CTNNA3: variants seen among roughly 807,000 people sequenced by gnomAD.
CTNNA3 encodes catenin alpha 3, also known as catenin alpha-3.
A neutral mutation model predicts 95.7 loss-of-function variants in CTNNA3; 76 were observed. The observed-to-expected ratio is 0.79, with a 90% CI of 0.66 to 0.96. CTNNA3 has a LOEUF of 0.96. CTNNA3 is among the 40% of genes least tolerant of loss of function. CTNNA3 has a pLI of 0.00. For missense variants in CTNNA3, 1,191 were observed against 1,089.8 expected, an observed-to-expected ratio of 1.09 and a Z score of -1.31; for synonymous variants, 431 against 374.4, an observed-to-expected ratio of 1.15 and a Z score of -1.74.
At chr10:66,229,372 G>A (rs2089473252) in intron 13 of CTNNA3, among the ~76,000 whole-genome samples, 1 of 152,042 alleles carries the variant, frequency 6.6e-6, no homozygotes, top group Non-Finnish European at 1.5e-5. Context: ...ACATCCACGT[G>A]TCAGGCTCTC....
intron 12 of CTNNA3, among the ~76,000 whole-genome samples, chr10:66,343,056 A>G (rs1233077528): frequency 6.6e-6 from 1 of 152,086 alleles, no homozygotes; most frequent in African/African-American, 2.4e-5. Flanking sequence ...TCATTGGCAG[A>G]GTTTAAAGTC....
At chr10:66,156,232 G>A (rs190970554) in intron 13 of CTNNA3, among the ~76,000 whole-genome samples, 1 of 151,938 alleles carries the variant, frequency 6.6e-6, no homozygotes, top group East Asian at 1.9e-4. Flanking sequence ...GCTGACCACA[G>A]GCCTAAAGAA....
At chr10:66,473,903 T>C (rs1378014097) in intron 11 of CTNNA3, among the ~76,000 whole-genome samples, 1 of 152,114 alleles carries the variant, frequency 6.6e-6, no homozygotes, top group Non-Finnish European at 1.5e-5. Flanking sequence ...ATTTTCTTAA[T>C]CCAGTCTATC....
intron 7 of CTNNA3, among the ~76,000 whole-genome samples, chr10:66,845,703 CAAAAA>C (rs61085873): frequency 5.9e-4 from 14 of 23,550 alleles, no homozygotes; most frequent in South Asian, 1.9e-3. Context: ...AACTCTGTCT[CAAAAA>C]AAAAAAAAAA....
intron 5 of CTNNA3, among the ~76,000 whole-genome samples, chr10:67,475,903 A>G (rs1847990954): frequency 6.6e-6 from 1 of 152,228 alleles, no homozygotes; most frequent in Non-Finnish European, 1.5e-5. Flanking sequence ...ACAAAATATT[A>G]TGTTAGGAAA....
At chr10:67,404,101 T>C (rs1845038302) in intron 5 of CTNNA3, among the ~76,000 whole-genome samples, 1 of 151,894 alleles carries the variant, frequency 6.6e-6, no homozygotes, top group South Asian at 2.1e-4. Context: ...TGAGAAAGAA[T>C]CAGCACAAAA....
intron 3 of CTNNA3, among the ~76,000 whole-genome samples, chr10:67,575,676 G>T (rs1313555898): frequency 6.6e-6 from 1 of 152,068 alleles, no homozygotes; most frequent in African/African-American, 2.4e-5. Context: ...GATTCTAGTG[G>T]GCAGAGTGAC....
At chr10:66,399,004 T>C (rs936840839) in intron 11 of CTNNA3, among the ~76,000 whole-genome samples, 1 of 152,068 alleles carries the variant, frequency 6.6e-6, no homozygotes, top group Admixed American at 6.6e-5. Flanking sequence ...TTTATTTCCT[T>C]TTCCAATCAT....
intron 6 of CTNNA3, among the ~76,000 whole-genome samples, chr10:67,208,668 G>A (rs186570120): frequency 8.5e-5 from 13 of 152,232 alleles, no homozygotes; most frequent in East Asian, 1.9e-4. Context: ...CTAGAAAAGC[G>A]TCTGGAAAAT....
intron 5 of CTNNA3, among the ~76,000 whole-genome samples, chr10:67,243,044 T>C (rs2132336429): frequency 6.6e-6 from 1 of 151,234 alleles, no homozygotes; most frequent in Middle Eastern, 3.4e-3. Flanking sequence ...ATTTCTCCCC[T>C]GTTTTCTTAG....
chr10:66,856,206 G>C (rs1843676628), intron 7 of CTNNA3, among the ~76,000 whole-genome samples: 1 of 152,114 alleles, frequency 6.6e-6, no homozygotes, highest in South Asian at 2.1e-4. Context: ...AGTTTGTTTA[G>C]AATAATGGTC....
At chr10:67,527,697 A>G (rs1840193525) in intron 4 of CTNNA3, among the ~76,000 whole-genome samples, 1 of 152,242 alleles carries the variant, frequency 6.6e-6, no homozygotes, top group African/African-American at 2.4e-5. Context: ...ATTTACCAGT[A>G]TGATCCTGAA....
chr10:67,504,869 C>G (rs976439866), intron 5 of CTNNA3, among the ~76,000 whole-genome samples: 2 of 152,196 alleles, frequency 1.3e-5, no homozygotes, highest in African/African-American at 4.8e-5. Context: ...AAATAAAGTT[C>G]AGGTACGCTT....
intron 1 of CTNNA3, among the ~76,000 whole-genome samples, chr10:67,705,486 G>T (rs1276694774): frequency 6.7e-6 from 1 of 150,090 alleles, no homozygotes; most frequent in Non-Finnish European, 1.5e-5. Flanking sequence ...TAGGGACATG[G>T]ATGAAATTGG....
At chr10:67,116,090 C>T (rs923561353) in intron 7 of CTNNA3, among the ~76,000 whole-genome samples, 1 of 151,828 alleles carries the variant, frequency 6.6e-6, no homozygotes, top group Admixed American at 6.6e-5. Context: ...AACTATTCCC[C>T]AGGCATAACT....
At chr10:67,533,061 C>T (rs761201164) in intron 4 of CTNNA3, among the ~76,000 whole-genome samples, 4 of 152,250 alleles carry the variant, frequency 2.6e-5, no homozygotes, top group East Asian at 3.9e-4. Context: ...CGGTGGCGGA[C>T]GCCTGTAATC....
intron 5 of CTNNA3, among the ~76,000 whole-genome samples, chr10:67,470,738 T>C (rs529230305): frequency 1.4e-4 from 21 of 152,000 alleles, no homozygotes; most frequent in South Asian, 2.1e-4. Context: ...CCCAGCACTA[T>C]TGAGTTTTTG....
chr10:66,938,573 C>T (rs1285212737), intron 7 of CTNNA3, among the ~76,000 whole-genome samples: 1 of 152,062 alleles, frequency 6.6e-6, no homozygotes, highest in African/African-American at 2.4e-5. Flanking sequence ...GATAGAGAAG[C>T]GATCGGTCTT....
At chr10:67,435,189 T>C (rs546310394) in intron 5 of CTNNA3, among the ~76,000 whole-genome samples, 260 of 152,138 alleles carry the variant, frequency 1.7e-3, no homozygotes, top group African/African-American at 5.9e-3. Flanking sequence ...ATTTCAACAG[T>C]AATTTCAAGT....
Sources: allele counts gnomAD v4.1 joint callset (sites outside exome capture counted in the v4.1 genomes callset), GRCh38; gene constraint gnomAD v4.1.1; transcripts MANE v1.5; gene names NCBI Gene and HGNC (gene_info 2026-07-23, HGNC 2026-07-21).